Variants in GRAMD1B observed in about 807,000 individuals in gnomAD.
GRAMD1B encodes GRAM domain containing 1B.
A neutral mutation model predicts 99.7 loss-of-function variants in GRAMD1B; 37 were observed. The observed-to-expected ratio is 0.37, with a 90% CI of 0.29 to 0.49. The LOEUF is 0.49. Ranked by LOEUF, GRAMD1B falls within the 20% of genes least tolerant of loss-of-function variation. GRAMD1B has a pLI of 0.98. For missense variants in GRAMD1B, 888 were observed against 1,009.2 expected, an observed-to-expected ratio of 0.88 and a Z score of 1.63; for synonymous variants, 427 against 387.6, an observed-to-expected ratio of 1.10 and a Z score of -1.19.
chr11:123,491,904 G>T lies in GRAMD1B; in HGVS notation c.452+11011G>T, dbSNP rs546920143. ...CTCTTGCAGCACTGCTGTAAAGCAGGCTTGTCACTACCACGTCTCCTCCCT... is the reference window on the plus strand; with the variant it reads ...CTCTTGCAGCACTGCTGTAAAGCAGTCTTGTCACTACCACGTCTCCTCCCT... On this transcript the variant is annotated intron_variant, in intron 2 of 19. Coordinates refer to ENST00000635736, the MANE Select transcript of GRAMD1B (RefSeq NM_001387025.1). 55 of 399,254 alleles carry T rather than the reference G, an allele frequency of 1.4e-4. 1 individual carries two copies. In the South Asian group the frequency reaches 6.9e-3, roughly 50 times the overall value. 24.7% of individuals were successfully genotyped at this position (399,254 alleles called of 1,614,324 possible). A position where few individuals can be genotyped will look rare whatever the true frequency, so the allele number is the denominator to read the frequency against.
intron 2 of GRAMD1B, among the ~76,000 whole-genome samples, chr11:123,507,170 A>C (rs1033694413): frequency 6.6e-6 from 1 of 152,212 alleles, no homozygotes; most frequent in Non-Finnish European, 1.5e-5. Context: ...ACATTTGACT[A>C]TCAGCCCAGG....
At chr11:123,556,353 C>A (rs1285757584) in intron 2 of GRAMD1B, among the ~76,000 whole-genome samples, 1 of 152,156 alleles carries the variant, frequency 6.6e-6, no homozygotes, top group African/African-American at 2.4e-5. Context: ...AAGATCTTAG[C>A]CTTTATTTTC....
At chr11:123,519,912 A>G (rs1187858707) in intron 2 of GRAMD1B, among the ~76,000 whole-genome samples, 1 of 152,198 alleles carries the variant, frequency 6.6e-6, no homozygotes, top group African/African-American at 2.4e-5. Context: ...GAAGCCTGAG[A>G]TAGGAGCCGA....
chr11:123,459,309 G>A (rs1950306510), intron 1 of GRAMD1B: 1 of 150,822 alleles, frequency 6.6e-6, no homozygotes, highest in Non-Finnish European at 1.5e-5. Context: ...AGGCGAGAGT[G>A]CAGTGGCATG....
chr11:123,598,994 C>T, intron 7 of GRAMD1B: 2 of 1,079,914 alleles, frequency 1.9e-6, no homozygotes, highest in East Asian at 2.4e-5. Context: ...TCTCAGATGC[C>T]TTCAGGTTAA....
chr11:123,435,587 AG>A (rs1421323158), intron 1 of GRAMD1B: 1 of 628,902 alleles, frequency 1.6e-6, no homozygotes, highest in East Asian at 2.7e-5. Flanking sequence ...GAATACTCCA[AG>A]ACCAATCATG....
chr11:123,526,107 G>A, intron 2 of GRAMD1B: 1 of 1,595,876 alleles, frequency 6.3e-7, no homozygotes. Flanking sequence ...GCTGTAACGG[G>A]GATGCTAAGG....
intron 2 of GRAMD1B, among the ~76,000 whole-genome samples, chr11:123,574,251 A>T (rs962460376): frequency 2.0e-5 from 3 of 152,134 alleles, no homozygotes; most frequent in Non-Finnish European, 4.4e-5. Flanking sequence ...GCCCTTTAAG[A>T]GCATATAAGG....
chr11:123,491,876 C>T (rs1376341963), intron 2 of GRAMD1B: 6 of 399,044 alleles, frequency 1.5e-5, no homozygotes, highest in Non-Finnish European at 2.7e-5. Context: ...AGCCAGAGAC[C>T]GTCTCTTGCA....
At chr11:123,560,345 G>A in intron 2 of GRAMD1B, 2 of 1,165,214 alleles carry the variant, frequency 1.7e-6, no homozygotes, top group Non-Finnish European at 2.2e-6. Flanking sequence ...CTTCTGTAAG[G>A]CGGCACGACC....
At chr11:123,531,865 A>G (rs867338234) in intron 2 of GRAMD1B, among the ~76,000 whole-genome samples, 1 of 150,166 alleles carries the variant, frequency 6.7e-6, no homozygotes, top group Non-Finnish European at 1.5e-5. Context: ...CCTCCCAAGT[A>G]GCTGGGATTA....
intron 11 of GRAMD1B, 35 bp downstream of exon 11, chr11:123,606,833 G>T (rs184682049): frequency 1.9e-6 from 3 of 1,560,194 alleles, no homozygotes; most frequent in Non-Finnish European, 2.6e-6. Context: ...AGTGGCCCTT[G>T]CTCTGTTTTG....
At chr11:123,613,041 A>G (rs1783903) in intron 15 of GRAMD1B, 177 bp downstream of exon 15, 231,915 of 593,752 alleles carry the variant, frequency 0.39, 48,678 homozygotes, top group South Asian at 0.49. Flanking sequence ...ATGTATGTGG[A>G]CAAGTGCATT....
chr11:123,361,527 T>C (rs1946146212), intron 1 of GRAMD1B, among the ~76,000 whole-genome samples: 1 of 152,164 alleles, frequency 6.6e-6, no homozygotes, highest in Non-Finnish European at 1.5e-5. Flanking sequence ...ACTTTCTTCT[T>C]CTCCTTTCTC....
chr11:123,556,596 CT>C, intron 2 of GRAMD1B, among the ~76,000 whole-genome samples: 1 of 152,266 alleles, frequency 6.6e-6, no homozygotes, highest in African/African-American at 2.4e-5. Context: ...ACCTCTTTTC[CT>C]TTAAAAAGTA....
chr11:123,618,873 T>C, intron 18 of GRAMD1B, 73 bp downstream of exon 18: 1 of 815,196 alleles, frequency 1.2e-6, no homozygotes, highest in Non-Finnish European at 2.1e-6. Flanking sequence ...CCCAGTCTCC[T>C]TGGGACTGCC....
In GRAMD1B at chr11:123,612,812, G is replaced by A. The variant is rs772468231; in HGVS notation, c.1971G>A (p.Thr657=). The A allele has an allele frequency of 4.3e-6, 7 of 1,612,548 alleles. No homozygotes were observed. The South Asian group carries it at 4.4e-5, about 10-fold the overall frequency. The change falls in exon 15 of 20, where the codon ACG becomes ACA. Residue 657 remains threonine (T), a synonymous_variant. Transcript: ENST00000635736. ...AACAGCCCTGGGGGTTAGTGAAAAC[G>A]TTCATCGAGAAGAACTTCTGGAGTG... ...YRKQPWGLVK[T]FIEKNFWSGL... is the part of the protein sequence containing the mutation.
intron 7 of GRAMD1B, chr11:123,599,521 G>A (rs1951692331): frequency 1.3e-5 from 7 of 537,612 alleles, no homozygotes; most frequent in Non-Finnish European, 2.1e-5. Context: ...CACCCAGGCT[G>A]GAGTGCAGTA....
intron 2 of GRAMD1B, among the ~76,000 whole-genome samples, chr11:123,481,490 G>A (rs979952594): frequency 6.6e-5 from 10 of 152,160 alleles, no homozygotes; most frequent in Non-Finnish European, 1.3e-4. Flanking sequence ...CTTTACAGTG[G>A]AGTTAGGACT....
Sources: gnomAD v4.1 joint callset for allele counts (sites outside exome capture counted in the v4.1 genomes callset) on GRCh38, gnomAD v4.1.1 for gene constraint, MANE v1.5 for transcripts, NCBI Gene and HGNC (gene_info 2026-07-23, HGNC 2026-07-21) for gene names.